The following FRMD3 variants were observed in gnomAD, a reference collection of about 807,000 sequenced individuals.
FRMD3 encodes FERM domain containing 3, also known as FERM domain-containing protein 3.
In FRMD3, 33 loss-of-function variants were observed where a neutral mutation model predicts 70.2. The observed-to-expected ratio is 0.47, with a 90% CI of 0.36 to 0.63. The LOEUF (loss-of-function observed/expected upper bound fraction) is 0.63, where lower values mean the gene tolerates loss of function less well. Ranked by LOEUF, FRMD3 falls within the 20% of genes least tolerant of loss-of-function variation. The probability of loss-of-function intolerance (pLI) is 0.00; values close to 1 mark genes in which losing one functional copy is unlikely to be tolerated. For missense variants in FRMD3, 632 were observed against 711.4 expected (o/e 0.89, Z 1.27); for synonymous variants, 279 against 255.9 (o/e 1.09, Z -0.86).
chr9:83,539,412 G>A (rs893194449), upstream of FRMD3, among the ~76,000 whole-genome samples: 1 of 152,186 alleles, frequency 6.6e-6, no homozygotes, highest in Admixed American at 6.5e-5. Context: ...AGAATGTCCA[G>A]GAGCTGGGAG....
chr9:83,310,144 T>C lies in FRMD3; in HGVS notation c.837+341A>G, dbSNP rs561595037. On this transcript the variant is annotated intron_variant, in intron 9 of 13. Transcript: ENST00000304195. ...ATAACACTCTAATGAGCACTGGTTG[T>C]TGAATATTTAGCTTTGTAAGTATTC... 2.2e-3 allele frequency among the ~76,000 whole-genome samples: 336 copies of C among 152,364 alleles called. 2 individuals are homozygous for C. Among genetic ancestry groups the C allele is most frequent in the Non-Finnish European group, 3.3e-3 (227 of 68,024 alleles).
rs10641248 is a variant in FRMD3, at chr9:83,351,687, T to TGATAGATAGATAGATA, written c.296-1946_296-1931dup. ...GGTAGATAGATGATTGATAGTTACA[T>TGATAGATAGATAGATA]GATAGATAGATAGATAGATAGATAG... On this transcript the variant is annotated intron_variant, in intron 3 of 13. Transcript: ENST00000304195. Among the ~76,000 whole-genome samples the TGATAGATAGATAGATA allele has an allele frequency of 8.8e-3, 1,280 of 145,682 alleles. 6 individuals carry two copies. The highest frequency in any genetic ancestry group is 0.013 in the East Asian group (63 of 4,874).
intron 10 of FRMD3, among the ~76,000 whole-genome samples, chr9:83,307,010 T>TA (rs1308602445): frequency 6.6e-6 from 1 of 152,162 alleles, no homozygotes; most frequent in Non-Finnish European, 1.5e-5. Flanking sequence ...GAATACAGGT[T>TA]AAAAAAATAG....
At chr9:83,323,083 G>C (rs1587723926) in intron 6 of FRMD3, among the ~76,000 whole-genome samples, 1 of 152,316 alleles carries the variant, frequency 6.6e-6, no homozygotes, top group African/African-American at 2.4e-5. Flanking sequence ...TGTACTTCTG[G>C]TGGAAATTTG....
At chr9:83,456,758 T>C (rs1463235921) in intron 1 of FRMD3, among the ~76,000 whole-genome samples, 1 of 152,164 alleles carries the variant, frequency 6.6e-6, no homozygotes, top group South Asian at 2.1e-4. Flanking sequence ...GGTGGGCAGA[T>C]AGCCTGAGCT....
intron 1 of FRMD3, among the ~76,000 whole-genome samples, chr9:83,422,034 G>A (rs554343289): frequency 6.6e-6 from 1 of 152,174 alleles, no homozygotes; most frequent in Admixed American, 6.5e-5. Flanking sequence ...AGACCAGCCT[G>A]GCCAACGTGG....
At chr9:83,437,106 G>C (rs767271675) in intron 1 of FRMD3, among the ~76,000 whole-genome samples, 46 of 152,364 alleles carry the variant, frequency 3.0e-4, no homozygotes, top group Middle Eastern at 3.4e-3. Context: ...ACGGAGTCTT[G>C]TCTATCAAAG....
chr9:83,541,496 T>C (rs1198723203), upstream of FRMD3, among the ~76,000 whole-genome samples: 1 of 152,246 alleles, frequency 6.6e-6, no homozygotes, highest in Non-Finnish European at 1.5e-5. Context: ...TCTCTTTAAC[T>C]GTGTCCCCTG....
At chr9:83,532,691 T>C (rs1829813904) in intron 1 of FRMD3, among the ~76,000 whole-genome samples, 1 of 152,110 alleles carries the variant, frequency 6.6e-6, no homozygotes, top group Non-Finnish European at 1.5e-5. Flanking sequence ...CCTCCCATTA[T>C]AGAGAGGAAA....
At chr9:83,428,228 A>G (rs1826868328) in intron 1 of FRMD3, among the ~76,000 whole-genome samples, 2 of 152,072 alleles carry the variant, frequency 1.3e-5, no homozygotes, top group African/African-American at 2.4e-5. Flanking sequence ...AATACAAAAA[A>G]TTAGCTGGGC....
intron 1 of FRMD3, among the ~76,000 whole-genome samples, chr9:83,391,543 T>C (rs1160848668): frequency 2.0e-5 from 3 of 152,202 alleles, no homozygotes; most frequent in Non-Finnish European, 4.4e-5. Context: ...AATATGGGAT[T>C]GAGCAGGCCT....
At chr9:83,540,545 C>G (rs1829988775), upstream of FRMD3, among the ~76,000 whole-genome samples, 2 of 152,202 alleles carry the variant, frequency 1.3e-5, no homozygotes, top group South Asian at 4.1e-4. Context: ...AATACAGGCT[C>G]TGGAAGCACT....
At chr9:83,581,368 C>T in the FRMD3 span, among the ~76,000 whole-genome samples, 2 of 152,164 alleles carry the variant, frequency 1.3e-5, no homozygotes, top group Non-Finnish European at 2.9e-5. Context: ...TGAAGAGATG[C>T]TCAACTTCCG....
rs183161744 is a variant in FRMD3, at chr9:83,264,882, A to G, written c.1196-16366T>C. 1.4e-3 allele frequency among the ~76,000 whole-genome samples: 206 copies of G among 152,074 alleles called. 1 individual carries two copies. Among genetic ancestry groups the G allele is most frequent in the African/African-American group, 4.9e-3 (203 of 41,430 alleles). ...AATTCCTAAGAAGATAAAGGGTTAA[A>G]CTAAAAAAAAAATTAGATACCACGT... On this transcript the variant is annotated intron_variant, in intron 13 of 13. Transcript: ENST00000304195.
At chr9:83,304,970 G>A (rs75970005) in intron 10 of FRMD3, among the ~76,000 whole-genome samples, 3,174 of 152,288 alleles carry the variant, frequency 0.021, 122 homozygotes, top group African/African-American at 0.072. Context: ...AAACAGATCT[G>A]TGGCCCTGGG....
Position 83,246,447 on chromosome 9 carries a change from T to C in FRMD3, c.*1471A>G, listed in dbSNP as rs945385215. 2 of 984,186 alleles carry C rather than the reference T, an allele frequency of 2.0e-6. No homozygotes were observed. The highest frequency in any genetic ancestry group is 1.2e-4 in the Admixed American group (2 of 16,246). 61.0% of individuals were successfully genotyped at this position (984,186 alleles called of 1,614,324 possible). On this transcript the variant is annotated 3_prime_UTR_variant, in exon 14 of 14. Transcript: ENST00000304195. ...ATGGATTTAATGGTATCAAGGAAGG[T>C]ACTAGAGCACTGGTCCCCTCTACAG...
At chr9:83,307,681 A>G (rs188633791) in intron 10 of FRMD3, among the ~76,000 whole-genome samples, 1 of 152,356 alleles carries the variant, frequency 6.6e-6, no homozygotes, top group East Asian at 1.9e-4. Flanking sequence ...GCTAACTGGC[A>G]TAAGGTTTAT....
chr9:83,526,661 C>G (rs1829689558), intron 1 of FRMD3, among the ~76,000 whole-genome samples: 2 of 152,198 alleles, frequency 1.3e-5, no homozygotes. Context: ...GCATCACTAT[C>G]TTTTCTATCT....
chr9:83,290,393 C>A (rs963888045), intron 13 of FRMD3, among the ~76,000 whole-genome samples: 2 of 152,152 alleles, frequency 1.3e-5, no homozygotes, highest in Admixed American at 6.5e-5. Flanking sequence ...ATACTTTATA[C>A]CAGTGAAGTC....
Sources: allele counts gnomAD v4.1 joint callset (sites outside exome capture counted in the v4.1 genomes callset), GRCh38; gene constraint gnomAD v4.1.1; transcripts MANE v1.5; gene names NCBI Gene and HGNC (gene_info 2026-07-23, HGNC 2026-07-21).